SMAD3: variants seen among roughly 807,000 people sequenced by gnomAD.
SMAD3 encodes SMAD family member 3, also known as MAD homolog 3.
SMAD3 carries 12 observed loss-of-function variants against 51.8 expected under a neutral mutation model. The ratio of observed to expected loss-of-function variants is 0.23; its 90% CI spans 0.15 to 0.38. The LOEUF is 0.38. SMAD3 is among the 10% of genes least tolerant of loss of function. The pLI, the probability that SMAD3 is intolerant of heterozygous loss-of-function variation, is 1.00. For synonymous variants in SMAD3, 238 were observed against 227.7 expected, an observed-to-expected ratio of 1.05 and a Z score of -0.41; for missense variants, 294 against 565.6, an observed-to-expected ratio of 0.52 and a Z score of 4.87.
chr15:67,151,010 C>A (rs1366619754), intron 1 of SMAD3, among the ~76,000 whole-genome samples: 1 of 151,488 alleles, frequency 6.6e-6, no homozygotes, highest in Non-Finnish European at 1.5e-5. Context: ...TGCCCACCAC[C>A]ATGCCTGGCT....
intron 1 of SMAD3, among the ~76,000 whole-genome samples, chr15:67,162,672 T>G (rs544277232): frequency 1.3e-5 from 2 of 152,226 alleles, no homozygotes; most frequent in Non-Finnish European, 2.9e-5. Context: ...TCTCCAGTCC[T>G]TCTGGCCTTC....
At chr15:67,168,994 C>T (rs1962670438) in intron 4 of SMAD3, among the ~76,000 whole-genome samples, 1 of 152,096 alleles carries the variant, frequency 6.6e-6, no homozygotes, top group Non-Finnish European at 1.5e-5. Context: ...CTTGGACTTC[C>T]TAGGTCTTTG....
At chr15:67,125,643 A>T (rs1961366651) in intron 1 of SMAD3, 3 of 906,016 alleles carry the variant, frequency 3.3e-6, no homozygotes, top group Non-Finnish European at 4.0e-6. Context: ...TTTATTTTTG[A>T]TTTGAAATAT....
At chr15:67,127,200 A>T (rs981236561) in intron 1 of SMAD3, among the ~76,000 whole-genome samples, 18 of 152,348 alleles carry the variant, frequency 1.2e-4, no homozygotes, top group African/African-American at 3.8e-4. Context: ...GGCCAGGCTC[A>T]TGAATGGATA....
chr15:67,169,391 G>T (rs1368565244), intron 4 of SMAD3, among the ~76,000 whole-genome samples: 1 of 152,138 alleles, frequency 6.6e-6, no homozygotes, highest in Non-Finnish European at 1.5e-5. Context: ...GCGCAAGGCA[G>T]CATTCACTTG....
chr15:67,160,548 G>A (rs551422115), intron 1 of SMAD3, among the ~76,000 whole-genome samples: 1 of 152,160 alleles, frequency 6.6e-6, no homozygotes, highest in East Asian at 1.9e-4. Context: ...CGAGGCAGGC[G>A]GATCACGAGG....
chr15:67,157,389 C>T (rs1277334287), intron 1 of SMAD3, among the ~76,000 whole-genome samples: 2 of 152,166 alleles, frequency 1.3e-5, no homozygotes, highest in Non-Finnish European at 2.9e-5. Flanking sequence ...CCAACCTGCC[C>T]CTATCTCCCA....
intron 7 of SMAD3, chr15:67,187,069 G>T (rs1191698161): frequency 1.7e-6 from 1 of 571,846 alleles, no homozygotes; most frequent in Non-Finnish European, 3.3e-6. Context: ...AGCCCTCTTT[G>T]CAGACTTCTC....
intron 1 of SMAD3, among the ~76,000 whole-genome samples, chr15:67,119,730 G>T (rs563239637): frequency 6.6e-6 from 1 of 152,350 alleles, no homozygotes; most frequent in East Asian, 1.9e-4. Flanking sequence ...AAAAGTCATA[G>T]CAAGTTGATA....
At chr15:67,100,782 C>T (rs1037389465) in intron 1 of SMAD3, among the ~76,000 whole-genome samples, 1 of 152,136 alleles carries the variant, frequency 6.6e-6, no homozygotes, top group African/African-American at 2.4e-5. Context: ...TGGGACTTTC[C>T]AATCCAGGCT....
intron 5 of SMAD3, among the ~76,000 whole-genome samples, chr15:67,175,657 C>T (rs574792855): frequency 5.9e-5 from 9 of 152,200 alleles, no homozygotes; most frequent in Admixed American, 2.0e-4. Flanking sequence ...GGCAAGTTGC[C>T]CCGTGAGTCA....
chr15:67,141,399 T>C (rs571433589), intron 1 of SMAD3, among the ~76,000 whole-genome samples: 1 of 152,168 alleles, frequency 6.6e-6, no homozygotes, highest in Admixed American at 6.5e-5. Flanking sequence ...CCAAGATGGA[T>C]GCAGTGGGAG....
chr15:67,116,548 G>A (rs182743086), intron 1 of SMAD3, among the ~76,000 whole-genome samples: 20 of 152,314 alleles, frequency 1.3e-4, no homozygotes, highest in African/African-American at 4.8e-4. Context: ...CTGGAGAAGC[G>A]TGTGGTAAAG....
intron 4 of SMAD3, among the ~76,000 whole-genome samples, chr15:67,167,108 G>A (rs1962613698): frequency 6.6e-6 from 1 of 152,180 alleles, no homozygotes; most frequent in African/African-American, 2.4e-5. Context: ...ATGCCGCATG[G>A]CACCAGGCAC....
chr15:67,185,296 G>C (rs1963194854), intron 7 of SMAD3, among the ~76,000 whole-genome samples: 1 of 152,184 alleles, frequency 6.6e-6, no homozygotes, highest in African/African-American at 2.4e-5. Flanking sequence ...ATAAGGGACG[G>C]GTGCCAAGCA....
At chr15:67,166,162 G>T in intron 3 of SMAD3, 62 of 1,014,846 alleles carry the variant, frequency 6.1e-5, no homozygotes, top group Non-Finnish European at 7.2e-5. Flanking sequence ...AACCTTCTCA[G>T]ATCCTTTGCG....
At position 67,193,854 on chromosome 15, in the gene SMAD3, C is replaced by CA. The variant is rs375106285; in HGVS notation, c.*3320dup. The CA allele has an allele frequency of 1.5e-3, 340 of 233,376 alleles. 4 individuals are homozygous for CA. Among genetic ancestry groups the CA allele is most frequent in the African/African-American group, 7.2e-3 (327 of 45,438 alleles). The allele number at this position is 233,376 out of a possible 1,614,324, so 14.5% of individuals were successfully genotyped here. On this transcript the variant is annotated 3_prime_UTR_variant, in exon 9 of 9. Transcript: ENST00000327367. ...ATATTCCAGGCTAAATGCTTTTACT[C>CA]AAGACTACAGAAAGGTTTGAAGTAG...
intron 1 of SMAD3, among the ~76,000 whole-genome samples, chr15:67,146,755 G>A (rs935300463): frequency 3.3e-5 from 5 of 152,134 alleles, no homozygotes; most frequent in African/African-American, 1.2e-4. Flanking sequence ...AGACTTTAAG[G>A]TGTATGGGGA....
chr15:67,070,700 C>T (rs957362353), intron 1 of SMAD3, among the ~76,000 whole-genome samples: 29 of 150,164 alleles, frequency 1.9e-4, no homozygotes, highest in Non-Finnish European at 2.5e-4. Context: ...TGGGGGCGGG[C>T]GTTGATGTGC....
Sources: allele counts gnomAD v4.1 joint callset (sites outside exome capture counted in the v4.1 genomes callset), GRCh38; gene constraint gnomAD v4.1.1; transcripts MANE v1.5; gene names NCBI Gene and HGNC (gene_info 2026-07-23, HGNC 2026-07-21).